XRCC4: variants seen among roughly 807,000 people sequenced by gnomAD.
The protein encoded by XRCC4 is X-ray repair cross complementing 4.
XRCC4 carries 28 observed loss-of-function variants against 39.1 expected under a neutral mutation model. That is an observed-to-expected ratio of 0.72 (90% CI 0.53 to 0.98). The LOEUF (loss-of-function observed/expected upper bound fraction) is 0.98, where lower values mean the gene tolerates loss of function less well. Among genes scored for constraint, XRCC4 ranks in the 50% least tolerant of loss-of-function variants. The probability of loss-of-function intolerance (pLI) is 0.00; values close to 1 mark genes in which losing one functional copy is unlikely to be tolerated. For synonymous variants in XRCC4, 123 were observed against 126.4 expected (o/e 0.97, Z 0.18); for missense variants, 350 against 376.4 (o/e 0.93, Z 0.58).
chr5:83,362,100 A>G, the XRCC4 span, among the ~76,000 whole-genome samples: 1 of 152,008 alleles, frequency 6.6e-6, no homozygotes, highest in Admixed American at 6.6e-5. Flanking sequence ...AAATGTTAAT[A>G]CTTTTTACTC....
intron 6 of XRCC4, among the ~76,000 whole-genome samples, chr5:83,209,037 C>T (rs10514249): frequency 0.58 from 87,248 of 150,928 alleles, 25,468 homozygotes; most frequent in Middle Eastern, 0.7. Flanking sequence ...TACTTGTGGC[C>T]TTAAAGATTT....
intron 6 of XRCC4, among the ~76,000 whole-genome samples, chr5:83,241,744 ACAGT>A (rs1752917352): frequency 2.0e-5 from 3 of 152,214 alleles, no homozygotes; most frequent in Non-Finnish European, 4.4e-5. Context: ...GATAACATAA[ACAGT>A]CATTTAACAC....
intron 7 of XRCC4, chr5:83,310,715 A>C: frequency 2.2e-6 from 1 of 446,800 alleles, no homozygotes; most frequent in South Asian, 1.6e-5. Context: ...TGATTAAATT[A>C]AGTATCTGAG....
chr5:83,099,335 A>G (rs1035557950), intron 1 of XRCC4, among the ~76,000 whole-genome samples: 1 of 152,220 alleles, frequency 6.6e-6, no homozygotes, highest in East Asian at 1.9e-4. Flanking sequence ...GGAAAATAAA[A>G]GAAGCTCAAG....
intron 1 of XRCC4, among the ~76,000 whole-genome samples, chr5:83,089,530 C>T (rs1294343222): frequency 6.6e-6 from 1 of 152,160 alleles, no homozygotes; most frequent in Non-Finnish European, 1.5e-5. Flanking sequence ...CACCATCTAT[C>T]TAGGGTTAGT....
the XRCC4 span, among the ~76,000 whole-genome samples, chr5:83,362,316 A>AAAAAAAAAAAAAAC: frequency 4.1e-5 from 6 of 145,952 alleles, no homozygotes; most frequent in African/African-American, 1.7e-4. Context: ...AAAAAAAAAA[A>AAAAAAAAAAAAAAC]AACTATCTCA....
At chr5:83,131,772 GTC>G (rs1241024365) in intron 3 of XRCC4, among the ~76,000 whole-genome samples, 2 of 151,738 alleles carry the variant, frequency 1.3e-5, no homozygotes, top group South Asian at 2.1e-4. Flanking sequence ...GCCTATGTGT[GTC>G]TCTGCACATG....
intron 7 of XRCC4, among the ~76,000 whole-genome samples, chr5:83,320,385 AAAAAT>A (rs1756022665): frequency 6.7e-6 from 1 of 150,288 alleles, no homozygotes; most frequent in Admixed American, 6.6e-5. Flanking sequence ...AAAATAATAA[AAAAAT>A]AAAAAAAAAA....
intron 3 of XRCC4, among the ~76,000 whole-genome samples, chr5:83,140,592 C>T (rs143847259): frequency 3.9e-5 from 6 of 152,174 alleles, no homozygotes; most frequent in South Asian, 4.2e-4. Context: ...CAAGTTGACA[C>T]GTAATATTAA....
intron 7 of XRCC4, among the ~76,000 whole-genome samples, chr5:83,333,129 C>T (rs1425480096): frequency 6.6e-6 from 1 of 151,686 alleles, no homozygotes; most frequent in Non-Finnish European, 1.5e-5. Flanking sequence ...AAAAAAAATA[C>T]TTGGAGGGAA....
intron 3 of XRCC4, among the ~76,000 whole-genome samples, chr5:83,145,445 G>A (rs1253831616): frequency 6.6e-6 from 1 of 152,168 alleles, no homozygotes; most frequent in African/African-American, 2.4e-5. Context: ...TGTTTTCTGA[G>A]TCAGTTAACT....
At chr5:83,325,768 A>T (rs1360630855) in intron 7 of XRCC4, among the ~76,000 whole-genome samples, 3 of 152,140 alleles carry the variant, frequency 2.0e-5, no homozygotes, top group Admixed American at 2.0e-4. Context: ...TGCAATGAAC[A>T]TATGCATGCA....
rs571641287 is a variant in XRCC4 at position 83,136,042 on chromosome 5, C to T, written c.315+24839C>T. Reference sequence around the variant, plus strand: ...GGGACGTAGGTAAGTTATTTAGAAACAGTTATACTTTTTGCTCATGCTTTT... The same window carrying T: ...GGGACGTAGGTAAGTTATTTAGAAATAGTTATACTTTTTGCTCATGCTTTT... On this transcript the variant is annotated intron_variant, in intron 3 of 7. Coordinates refer to ENST00000396027, the MANE Select transcript of XRCC4 (RefSeq NM_003401.5). Among the ~76,000 whole-genome samples, 29 of 152,250 alleles carry T rather than the reference C, an allele frequency of 1.9e-4. No individual in the cohort carries two copies. In the South Asian group the frequency reaches 5.6e-3, roughly 29 times the overall value.
chr5:83,101,246 T>C (rs1745921161), intron 1 of XRCC4, among the ~76,000 whole-genome samples: 1 of 152,102 alleles, frequency 6.6e-6, no homozygotes. Flanking sequence ...TTATGTTATT[T>C]CTCTAGTTTT....
rs148399077 is a variant in XRCC4, at chr5:83,259,727, T to A, written c.893+1050T>A. Among the ~76,000 whole-genome samples, 54 of 152,244 alleles carry A rather than the reference T, an allele frequency of 3.5e-4. 1 individual carries two copies. In the East Asian group the frequency reaches 0.01, roughly 28 times the overall value. ...TGGATTTGTGTTATTTTTAAATGAATTAATGAATCTGTTTAAATTTTCTCA... is the reference window on the plus strand; with the variant it reads ...TGGATTTGTGTTATTTTTAAATGAAATAATGAATCTGTTTAAATTTTCTCA... On this transcript the variant is annotated intron_variant, in intron 7 of 7. Transcript: ENST00000396027.
intron 7 of XRCC4, among the ~76,000 whole-genome samples, chr5:83,299,756 CTT>C (rs1333001131): frequency 6.6e-6 from 1 of 152,112 alleles, no homozygotes; most frequent in Non-Finnish European, 1.5e-5. Context: ...TTCAAATGTG[CTT>C]TGTCATTTTT....
At chr5:83,079,835 G>A (rs1247035336) in intron 1 of XRCC4, among the ~76,000 whole-genome samples, 8 of 152,028 alleles carry the variant, frequency 5.3e-5, no homozygotes, top group African/African-American at 1.7e-4. Flanking sequence ...CACCACGTCT[G>A]GCCTGTTCAA....
In XRCC4 at chr5:83,252,690, C is replaced by G. The variant is rs560614364; in HGVS notation, c.746-5840C>G. ...AGAAATTGTGGTTTATATACATTTT[C>G]TCAGCTGAGAAACTTAGAGATTCTG... On this transcript the variant is annotated intron_variant, in intron 6 of 7. Transcript: ENST00000396027. Among the ~76,000 whole-genome samples the G allele has an allele frequency of 2.0e-5, 3 of 152,088 alleles. 1 individual carries two copies. The highest frequency in any genetic ancestry group is 1.9e-4 in the East Asian group (1 of 5,180).
chr5:83,342,957 C>G (rs1158536518), intron 7 of XRCC4, among the ~76,000 whole-genome samples: 1 of 151,950 alleles, frequency 6.6e-6, no homozygotes, highest in Non-Finnish European at 1.5e-5. Flanking sequence ...CTGATAGCTG[C>G]TTAGTTACTT....
Sources: allele counts gnomAD v4.1 joint callset (sites outside exome capture counted in the v4.1 genomes callset), GRCh38; gene constraint gnomAD v4.1.1; transcripts MANE v1.5; gene names NCBI Gene and HGNC (gene_info 2026-07-23, HGNC 2026-07-21).